CMIP: variants seen among roughly 807,000 people sequenced by gnomAD.
CMIP encodes the protein c-Maf inducing protein, also known as C-Maf-inducing protein.
A neutral mutation model predicts 97.3 loss-of-function variants in CMIP; 13 were observed. The ratio of observed to expected loss-of-function variants is 0.13; its 90% confidence interval spans 0.09 to 0.21. The LOEUF (loss-of-function observed/expected upper bound fraction) is 0.21. CMIP is among the 10% of genes least tolerant of loss of function. The pLI, the probability that CMIP is intolerant of heterozygous loss-of-function variation, is 1.00. For missense variants in CMIP, 847 were observed against 1,024.9 expected, an observed-to-expected ratio of 0.83 and a Z score of 2.37; for synonymous variants, 538 against 436.3, an observed-to-expected ratio of 1.23 and a Z score of -2.91.
intron 1 of CMIP, among the ~76,000 whole-genome samples, chr16:81,589,038 A>G (rs2091426484): frequency 1.3e-5 from 2 of 152,080 alleles, no homozygotes; most frequent in Admixed American, 6.5e-5. Flanking sequence ...AAAGGCCATA[A>G]ACATATTCCG....
chr16:81,514,289 C>A (rs1202636775), intron 1 of CMIP, among the ~76,000 whole-genome samples: 1 of 152,100 alleles, frequency 6.6e-6, no homozygotes, highest in Non-Finnish European at 1.5e-5. Context: ...AGAAAGCTTC[C>A]CCTTTGTGGG....
At chr16:81,536,708 T>C (rs1416356910) in intron 1 of CMIP, among the ~76,000 whole-genome samples, 1 of 152,084 alleles carries the variant, frequency 6.6e-6, no homozygotes, top group Non-Finnish European at 1.5e-5. Context: ...TGGTAGGTGT[T>C]AATACCTCTC....
chr16:81,509,300 C>T (rs773681259), intron 1 of CMIP, among the ~76,000 whole-genome samples: 2 of 152,130 alleles, frequency 1.3e-5, no homozygotes, highest in Non-Finnish European at 2.9e-5. Context: ...AGCTGGAGAG[C>T]CCACCGGAAT....
chr16:81,710,960 A>G lies in CMIP; in HGVS notation c.*1161A>G, dbSNP rs1466885875. ...GCCCCATGCATGCCCGCCTCTCTGC[A>G]TGGTCTCTTGGGAAAAGAGAGATGT... On this transcript the variant is annotated 3_prime_UTR_variant, in exon 21 of 21. Transcript: ENST00000537098. 3 of 151,830 alleles carry G rather than the reference A, an allele frequency of 2.0e-5. No homozygotes were observed. The highest frequency in any genetic ancestry group is 4.4e-5 in the Non-Finnish European group (3 of 68,048). 9.4% of individuals were successfully genotyped at this position (151,830 alleles called of 1,614,324 possible). A position where few individuals can be genotyped will look rare whatever the true frequency, so the allele number is the denominator to read the frequency against.
chr16:81,693,229 C>A, intron 12 of CMIP, 45 bp downstream of exon 12: 1 of 1,582,844 alleles, frequency 6.3e-7, no homozygotes, highest in Non-Finnish European at 8.7e-7. Context: ...GCACGCACGG[C>A]CTCTGTCCTG....
intron 18 of CMIP, 38 bp downstream of exon 18, chr16:81,704,123 C>A (rs1288731915): frequency 6.4e-7 from 1 of 1,569,274 alleles, no homozygotes; most frequent in South Asian, 1.1e-5. Flanking sequence ...CCCACACCCT[C>A]CTCCTTCACC....
At chr16:81,668,327 G>C (rs2092633109) in intron 7 of CMIP, among the ~76,000 whole-genome samples, 1 of 152,120 alleles carries the variant, frequency 6.6e-6, no homozygotes. Flanking sequence ...CGCAGCCCTG[G>C]CCACGACCCT....
At chr16:81,679,274 T>C (rs1333764610) in intron 10 of CMIP, among the ~76,000 whole-genome samples, 1 of 152,120 alleles carries the variant, frequency 6.6e-6, no homozygotes, top group East Asian at 1.9e-4. Flanking sequence ...TGTGTGTGTG[T>C]GTGTTAAATG....
intron 2 of CMIP, chr16:81,620,643 A>G: frequency 2.0e-6 from 1 of 504,910 alleles, no homozygotes. Flanking sequence ...CAGCAAAGGA[A>G]GCACACGGTG....
chr16:81,496,835 A>G (rs2089500070), intron 1 of CMIP, among the ~76,000 whole-genome samples: 1 of 152,226 alleles, frequency 6.6e-6, no homozygotes, highest in Non-Finnish European at 1.5e-5. Flanking sequence ...GTGAAACTGA[A>G]TGGGAGCCAA....
chr16:81,481,913 C>T (rs1567537368), intron 1 of CMIP, among the ~76,000 whole-genome samples: 2 of 148,178 alleles, frequency 1.3e-5, no homozygotes, highest in African/African-American at 5.0e-5. Context: ...GGGTCTCACT[C>T]TGTCACCCAG....
chr16:81,590,476 T>G (rs1474275150), intron 1 of CMIP, among the ~76,000 whole-genome samples: 2 of 152,200 alleles, frequency 1.3e-5, no homozygotes, highest in Admixed American at 1.3e-4. Context: ...GCAGCCTCGC[T>G]TCCCCAAGTG....
At chr16:81,708,660 C>A (rs1196565833) in intron 20 of CMIP, among the ~76,000 whole-genome samples, 1 of 152,214 alleles carries the variant, frequency 6.6e-6, no homozygotes, top group East Asian at 1.9e-4. Flanking sequence ...CCAGGCAGGC[C>A]ACGCCCCACT....
At chr16:81,567,328 A>T (rs1203162516) in intron 1 of CMIP, among the ~76,000 whole-genome samples, 1 of 152,262 alleles carries the variant, frequency 6.6e-6, no homozygotes, top group Non-Finnish European at 1.5e-5. Context: ...CCGCTGCTAC[A>T]GGGCGGAATC....
At chr16:81,667,766 AAGAGAGAGAG>A (rs59388984) in intron 7 of CMIP, among the ~76,000 whole-genome samples, 1,905 of 85,056 alleles carry the variant, frequency 0.022, 27 homozygotes, top group South Asian at 0.043. Flanking sequence ...GAGGGAGAGA[AAGAGAGAGAG>A]AGAGAGAGAG....
intron 1 of CMIP, among the ~76,000 whole-genome samples, chr16:81,455,452 G>A (rs539778044): frequency 3.3e-5 from 5 of 152,344 alleles, no homozygotes; most frequent in South Asian, 2.1e-4. Context: ...GAAGGGGAGA[G>A]GGACCCACGG....
At chr16:81,578,566 C>T (rs2091241590) in intron 1 of CMIP, among the ~76,000 whole-genome samples, 1 of 152,230 alleles carries the variant, frequency 6.6e-6, no homozygotes, top group Non-Finnish European at 1.5e-5. Context: ...GAGAGCTGTC[C>T]TTGTGAATTT....
At chr16:81,542,389 C>T (rs2090465147) in intron 1 of CMIP, among the ~76,000 whole-genome samples, 2 of 152,212 alleles carry the variant, frequency 1.3e-5, no homozygotes, top group South Asian at 2.1e-4. Context: ...CTGTGAGGCA[C>T]CGAGGGTGGG....
At chr16:81,679,324 T>C (rs974830844) in intron 10 of CMIP, among the ~76,000 whole-genome samples, 1 of 152,128 alleles carries the variant, frequency 6.6e-6, no homozygotes, top group Non-Finnish European at 1.5e-5. Context: ...GCTAGTTTTG[T>C]GCACTAGTGG....
Sources: allele counts gnomAD v4.1 joint callset (sites outside exome capture counted in the v4.1 genomes callset), GRCh38; gene constraint gnomAD v4.1.1; transcripts MANE v1.5; gene names NCBI Gene and HGNC (gene_info 2026-07-23, HGNC 2026-07-21).